EIF4EBP1: variants seen among roughly 807,000 people sequenced by gnomAD.
EIF4EBP1 encodes eukaryotic translation initiation factor 4E-binding protein 1.
Under a neutral mutation model 9.2 loss-of-function variants are expected in EIF4EBP1, and 5 were observed. The ratio of observed to expected loss-of-function variants is 0.54; its 90% CI spans 0.28 to 1.14. EIF4EBP1 has a LOEUF of 1.14. EIF4EBP1 is among the 50% of genes most tolerant of loss of function. The probability of loss-of-function intolerance (pLI) is 0.09; values close to 1 mark genes in which losing one functional copy is unlikely to be tolerated. For missense variants in EIF4EBP1, 139 were observed against 169.6 expected (o/e 0.82, Z 1.00); for synonymous variants, 62 against 67.0 (o/e 0.93, Z 0.36).
intron 1 of EIF4EBP1, among the ~76,000 whole-genome samples, chr8:38,041,255 C>T (rs999154747): frequency 6.6e-6 from 1 of 152,170 alleles, no homozygotes; most frequent in Non-Finnish European, 1.5e-5. Flanking sequence ...GCACCTGCCA[C>T]CACGCCCGGC....
At chr8:38,049,121 G>A (rs1268438116) in intron 1 of EIF4EBP1, among the ~76,000 whole-genome samples, 4 of 145,172 alleles carry the variant, frequency 2.8e-5, no homozygotes, top group Admixed American at 7.0e-5. Context: ...GCGAAACTCC[G>A]TCTCAAAAAA....
chr8:38,054,159 C>T (rs1187103393), intron 1 of EIF4EBP1, among the ~76,000 whole-genome samples: 4 of 152,076 alleles, frequency 2.6e-5, no homozygotes, highest in African/African-American at 7.2e-5. Context: ...GATAAACAAA[C>T]CAACAACAAC....
At chr8:38,058,675 A>T (rs1440095289) in intron 2 of EIF4EBP1, among the ~76,000 whole-genome samples, 1 of 152,208 alleles carries the variant, frequency 6.6e-6, no homozygotes, top group Non-Finnish European at 1.5e-5. Context: ...CATCTGAATC[A>T]GACAAGACTC....
chr8:38,030,958 C>T (rs1809208832), intron 1 of EIF4EBP1, among the ~76,000 whole-genome samples: 1 of 152,186 alleles, frequency 6.6e-6, no homozygotes, highest in Non-Finnish European at 1.5e-5. Flanking sequence ...TGTCAGACAG[C>T]TGACACCTAA....
rs148246874 is a variant in EIF4EBP1, at chr8:38,043,879, T to G, written c.145+13161T>G. Reference sequence around the variant, plus strand: ...TCACCAGGATTTCCACCCCGGCAGTTCTGTCCTGCTTGTTAAATAGACCAT... The same window carrying G: ...TCACCAGGATTTCCACCCCGGCAGTGCTGTCCTGCTTGTTAAATAGACCAT... On this transcript the variant is annotated intron_variant, in intron 1 of 2. Transcript: ENST00000338825. Among the ~76,000 whole-genome samples the G allele has an allele frequency of 7.5e-4, 114 of 152,200 alleles. 1 individual carries two copies. In the East Asian group the frequency reaches 0.021, roughly 28 times the overall value.
chr8:38,056,960 GCCT>G (rs1392031610), intron 1 of EIF4EBP1, 118 bp from the exon 2 acceptor site: 1 of 1,060,568 alleles, frequency 9.4e-7, no homozygotes, highest in Non-Finnish European at 1.4e-6. Flanking sequence ...ACCGCACCCA[GCCT>G]CCTCTGGGTT....
At chr8:38,032,127 G>T (rs748158178) in intron 1 of EIF4EBP1, among the ~76,000 whole-genome samples, 32 of 152,186 alleles carry the variant, frequency 2.1e-4, no homozygotes, top group Non-Finnish European at 3.8e-4. Context: ...TTCAGGGTGG[G>T]CCCTGAGGCC....
chr8:38,034,092 G>A (rs1809268986), intron 1 of EIF4EBP1, among the ~76,000 whole-genome samples: 1 of 152,072 alleles, frequency 6.6e-6, no homozygotes, highest in South Asian at 2.1e-4. Flanking sequence ...TGTCACCCAG[G>A]CTGGAGTACA....
chr8:38,053,023 A>C (rs922117398), intron 1 of EIF4EBP1, among the ~76,000 whole-genome samples: 1 of 151,996 alleles, frequency 6.6e-6, no homozygotes, highest in Admixed American at 6.6e-5. Flanking sequence ...TTAATGATTT[A>C]ATTTTTTTTG....
chr8:38,038,930 TA>T (rs1809338996), intron 1 of EIF4EBP1, among the ~76,000 whole-genome samples: 1 of 150,004 alleles, frequency 6.7e-6, no homozygotes. Context: ...TTTTTTTTTT[TA>T]AGCTCAGCTG....
chr8:38,047,629 C>A (rs1370319247), intron 1 of EIF4EBP1, among the ~76,000 whole-genome samples: 1 of 152,044 alleles, frequency 6.6e-6, no homozygotes, highest in East Asian at 1.9e-4. Flanking sequence ...GGATTACAGG[C>A]ACATGCCACC....
chr8:38,057,167 A>G lies in EIF4EBP1; in HGVS notation c.232A>G (p.Ile78Val). ...AACACCCCCAAGGGATCTGCCCACC[A>G]TTCCGGGGGTCACCAGCCCTTCCAG... ...TKTPPRDLPT[I>V]PGVTSPSSDE... The change falls in exon 2 of 3, where the codon ATT becomes GTT. Residue 78 changes from isoleucine to valine, a missense_variant. By Grantham distance (29) the Ile-to-Val change is conservative. Coordinates refer to ENST00000338825, the MANE Select transcript of EIF4EBP1 (RefSeq NM_004095.4). 2 of 1,614,210 alleles carry G rather than the reference A, an allele frequency of 1.2e-6. No individual in the cohort carries two copies. The highest frequency in any genetic ancestry group is 1.7e-5 in the Admixed American group (1 of 60,020).
chr8:38,036,354 C>CA lies in EIF4EBP1; in HGVS notation c.145+5645dup, dbSNP rs939613819. On this transcript the variant is annotated intron_variant, in intron 1 of 2. Transcript: ENST00000338825. ...TGAAACCCCATCTCTAATAAAAATACAAAAAAAAATTAGCCGGGCCTGGTG... is the reference window on the plus strand; with the variant it reads ...TGAAACCCCATCTCTAATAAAAATACAAAAAAAAAATTAGCCGGGCCTGGTG... 1.1e-3 allele frequency among the ~76,000 whole-genome samples: 169 copies of CA among 150,622 alleles called. 1 individual carries two copies. Among genetic ancestry groups the CA allele is most frequent in the Admixed American group, 5.6e-3 (84 of 15,104 alleles).
intron 1 of EIF4EBP1, among the ~76,000 whole-genome samples, chr8:38,040,945 A>G (rs28750118): frequency 0.76 from 115,532 of 151,898 alleles, 44,063 homozygotes; most frequent in Middle Eastern, 0.87. Flanking sequence ...GATTACAAGC[A>G]TGCACCACCA....
chr8:38,037,965 A>G (rs1809327098), intron 1 of EIF4EBP1, among the ~76,000 whole-genome samples: 1 of 150,966 alleles, frequency 6.6e-6, no homozygotes, highest in Non-Finnish European at 1.5e-5. Context: ...GTAGTGACAG[A>G]GTTTTGTCAT....
chr8:38,050,874 TG>T (rs1317041370), intron 1 of EIF4EBP1, among the ~76,000 whole-genome samples: 1 of 152,146 alleles, frequency 6.6e-6, no homozygotes, highest in East Asian at 1.9e-4. Context: ...GGTGGCTAGC[TG>T]GTTTTATTCA....
intron 1 of EIF4EBP1, 107 bp downstream of exon 1, chr8:38,030,825 A>G: frequency 7.4e-7 from 1 of 1,348,078 alleles, no homozygotes; most frequent in South Asian, 1.7e-5. Flanking sequence ...GTGATTGGAA[A>G]GAACGGAAAA....
intron 1 of EIF4EBP1, among the ~76,000 whole-genome samples, chr8:38,037,126 A>G (rs1452308367): frequency 6.6e-6 from 1 of 152,000 alleles, no homozygotes; most frequent in African/African-American, 2.4e-5. Flanking sequence ...ATTATGATTC[A>G]TAGCGAATGA....
At position 38,059,990 on chromosome 8, in the gene EIF4EBP1, AG is replaced by A. The variant is rs1345357624; in HGVS notation, c.*57del. 3 of 1,553,524 alleles carry A rather than the reference AG, an allele frequency of 1.9e-6. No individual in the cohort carries two copies. Among genetic ancestry groups the A allele is most frequent in the Non-Finnish European group, 2.7e-6 (3 of 1,125,180 alleles). On this transcript the variant is annotated 3_prime_UTR_variant, in exon 3 of 3. Transcript: ENST00000338825. ...AGGGGCCCCTCAGGGCCTTCCTGGG[AG>A]GAGTCCCACCAGCCAGGCCTTATGA...
Sources: allele counts gnomAD v4.1 joint callset (sites outside exome capture counted in the v4.1 genomes callset), GRCh38; gene constraint gnomAD v4.1.1; transcripts MANE v1.5; gene names NCBI Gene and HGNC (gene_info 2026-07-23, HGNC 2026-07-21).